Variants in MEGF6 observed in about 807,000 individuals in gnomAD.
MEGF6 encodes the protein multiple EGF like domains 6, also known as multiple epidermal growth factor-like domains protein 6.
A neutral mutation model predicts 207.1 loss-of-function variants in MEGF6; 184 were observed. The observed-to-expected ratio is 0.89, with a 90% confidence interval of 0.79 to 1.00. The LOEUF is 1.00. Ranked by LOEUF, MEGF6 falls within the 50% of genes least tolerant of loss-of-function variation. MEGF6 has a pLI of 0.00. For missense variants in MEGF6, 2,282 were observed against 2,202.9 expected (o/e 1.04, Z -0.72); for synonymous variants, 1,038 against 910.0 (o/e 1.14, Z -2.53).
intron 4 of MEGF6, among the ~76,000 whole-genome samples, chr1:3,563,854 G>A (rs1643273119): frequency 6.6e-6 from 1 of 152,180 alleles, no homozygotes; most frequent in African/African-American, 2.4e-5. Context: ...TGCGCGTCTG[G>A]GGAGGGAAGT....
At position 3,573,228 on chromosome 1, in the gene MEGF6, G is replaced by A. The variant is rs1643558538; in HGVS notation, c.481+6597C>T. On this transcript the variant is annotated intron_variant, in intron 4 of 36. Coordinates refer to ENST00000356575, the MANE Select transcript of MEGF6 (RefSeq NM_001409.4). This position sits in a 1 kb window ranked among gnomAD's most constrained non-coding sequence, Gnocchi z 5.1. ...GCTGCGTCCTTCCTGTGTGTGCTGG[G>A]TTCCCCCAGGTTTGCTGGGTCCTCC... Among the ~76,000 whole-genome samples, 2 of 151,668 alleles carry A rather than the reference G, an allele frequency of 1.3e-5. No homozygotes were observed. Among genetic ancestry groups the A allele is most frequent in the Admixed American group, 1.3e-4 (2 of 15,258 alleles).
At chr1:3,581,182 A>C (rs1643788582) in intron 3 of MEGF6, among the ~76,000 whole-genome samples, 3 of 152,100 alleles carry the variant, frequency 2.0e-5, no homozygotes, top group African/African-American at 7.2e-5. Flanking sequence ...CAAGGCCAGC[A>C]CCCAAACCTG....
chr1:3,491,083 C>T, intron 35 of MEGF6, 124 bp from the exon 36 acceptor site: 1 of 861,128 alleles, frequency 1.2e-6, no homozygotes, highest in South Asian at 1.9e-5. Flanking sequence ...CAGTCTCCTT[C>T]CCTTCTCAGT....
intron 16 of MEGF6, 24 bp downstream of exon 16, chr1:3,505,398 C>CCCCGG: frequency 6.3e-7 from 1 of 1,576,456 alleles, no homozygotes; most frequent in Admixed American, 1.9e-5. Context: ...GCCCCCCGCC[C>CCCCGG]CCAGACCCCA....
intron 4 of MEGF6, 149 bp from the exon 5 acceptor site, chr1:3,524,395 G>T: frequency 9.7e-7 from 1 of 1,032,130 alleles, no homozygotes. Flanking sequence ...ATCTGCCGGA[G>T]ACGCAGCAGA....
chr1:3,500,803 C>A (rs780033012), intron 20 of MEGF6, 39 bp from the exon 21 acceptor site: 3 of 1,596,764 alleles, frequency 1.9e-6, no homozygotes, highest in Admixed American at 1.7e-5. Context: ...CAGGCCCAAG[C>A]GCGGGCCACG....
chr1:3,537,301 A>G (rs1189554759), intron 4 of MEGF6, among the ~76,000 whole-genome samples: 1 of 152,194 alleles, frequency 6.6e-6, no homozygotes, highest in Non-Finnish European at 1.5e-5. Flanking sequence ...AAACAGGGGG[A>G]AGGAGCTAAG....
At chr1:3,570,744 A>T (rs1643471354) in intron 4 of MEGF6, among the ~76,000 whole-genome samples, 1 of 152,220 alleles carries the variant, frequency 6.6e-6, no homozygotes, top group Non-Finnish European at 1.5e-5. Context: ...CCTGCAGGGC[A>T]TGAAGCCCAC....
At chr1:3,529,275 G>A (rs543700927) in intron 4 of MEGF6, among the ~76,000 whole-genome samples, 27 of 152,282 alleles carry the variant, frequency 1.8e-4, no homozygotes, top group Non-Finnish European at 2.9e-4. Flanking sequence ...TGAGGTTAGC[G>A]GGGCCCCAGC....
chr1:3,596,214 G>A (rs1388382331), intron 2 of MEGF6, among the ~76,000 whole-genome samples: 6 of 152,126 alleles, frequency 3.9e-5, no homozygotes, highest in African/African-American at 4.8e-5. Flanking sequence ...CAGATGGGAC[G>A]GGCTGCGGCT....
At chr1:3,576,491 T>TG (rs1000671114) in intron 4 of MEGF6, among the ~76,000 whole-genome samples, 3 of 152,244 alleles carry the variant, frequency 2.0e-5, no homozygotes, top group Non-Finnish European at 4.4e-5. Context: ...CAATTATAAT[T>TG]GGGGGGTTAG....
At chr1:3,621,474 T>C in the MEGF6 span, among the ~76,000 whole-genome samples, 1 of 152,234 alleles carries the variant, frequency 6.6e-6, no homozygotes, top group Non-Finnish European at 1.5e-5. Context: ...ATTATTATAA[T>C]ATTGGAATAA....
Position 3,488,249 on chromosome 1 carries a change from C to A in MEGF6, c.*2279G>T, listed in dbSNP as rs1056229728. ...CTGCTTTATTTTCCTCTGCTCCTGA[C>A]CGCCGTTGGATAGCTGAGATTTCCT... On this transcript the variant is annotated 3_prime_UTR_variant, in exon 37 of 37. Transcript: ENST00000356575. 2.6e-5 allele frequency among the ~76,000 whole-genome samples: 4 copies of A among 152,224 alleles called. No individual in the cohort carries two copies. The highest frequency in any genetic ancestry group is 9.7e-5 in the African/African-American group (4 of 41,448).
intron 18 of MEGF6, 49 bp from the exon 19 acceptor site, chr1:3,501,357 A>G: frequency 6.4e-7 from 1 of 1,554,078 alleles, no homozygotes; most frequent in Non-Finnish European, 8.7e-7. Flanking sequence ...CCCTTGCTCA[A>G]CACATCAACA....
chr1:3,585,203 G>A (rs1414297293), intron 3 of MEGF6, among the ~76,000 whole-genome samples: 1 of 146,164 alleles, frequency 6.8e-6, no homozygotes, highest in Admixed American at 6.7e-5. Flanking sequence ...CATGTCCTAT[G>A]TGTGAGTATG....
chr1:3,590,114 G>C (rs1462427057), intron 3 of MEGF6, among the ~76,000 whole-genome samples: 1 of 152,216 alleles, frequency 6.6e-6, no homozygotes, highest in African/African-American at 2.4e-5. Context: ...ATGAGGAGTT[G>C]CGGGGTACAG....
chr1:3,570,792 G>T (rs764422394), intron 4 of MEGF6, among the ~76,000 whole-genome samples: 2 of 152,104 alleles, frequency 1.3e-5, no homozygotes, highest in African/African-American at 2.4e-5. Flanking sequence ...CCCCTCCACC[G>T]CCCAGCCTGG....
intron 4 of MEGF6, among the ~76,000 whole-genome samples, chr1:3,553,503 C>A (rs373893999): frequency 4.6e-4 from 70 of 152,310 alleles, no homozygotes; most frequent in Non-Finnish European, 9.1e-4. Flanking sequence ...GAGGCCTCCC[C>A]ACACCCCAGG....
intron 35 of MEGF6, 86 bp from the exon 36 acceptor site, chr1:3,491,045 G>A: frequency 1.6e-6 from 2 of 1,281,634 alleles, no homozygotes; most frequent in Non-Finnish European, 1.1e-6. Context: ...CCCCATCCAG[G>A]CCTTCAGGGA....
Sources: allele counts gnomAD v4.1 joint callset (sites outside exome capture counted in the v4.1 genomes callset), GRCh38; gene constraint gnomAD v4.1.1; non-coding constraint Gnocchi (gnomAD v3.1); transcripts MANE v1.5; gene names NCBI Gene and HGNC (gene_info 2026-07-23, HGNC 2026-07-21).